Variants in ARHGAP9 observed in about 807,000 individuals in gnomAD.
ARHGAP9 encodes Rho GTPase activating protein 9.
A neutral mutation model predicts 87.3 loss-of-function variants in ARHGAP9; 76 were observed. That is an observed-to-expected ratio of 0.87 (90% CI 0.72 to 1.05). ARHGAP9 has a LOEUF of 1.05. ARHGAP9 is among the 50% of genes least tolerant of loss of function. The pLI, the probability that ARHGAP9 is intolerant of heterozygous loss-of-function variation, is 0.00. For missense variants in ARHGAP9, 941 were observed against 960.5 expected (o/e 0.98, Z 0.27); for synonymous variants, 382 against 394.9 (o/e 0.97, Z 0.39).
chr12:57,488,168 A>G (rs1251933954), intron 1 of ARHGAP9: 9 of 1,614,034 alleles, frequency 5.6e-6, no homozygotes, highest in Non-Finnish European at 7.6e-6. Flanking sequence ...GGGGCAGAGC[A>G]GAGGTGCTCA....
chr12:57,475,366 C>A lies in ARHGAP9; in HGVS notation c.1477G>T (p.Val493Leu), dbSNP rs760786193. ...ATGAGCCGCTTTAGTTTGTTGCGCA[C>A]GCGGTTCTGCTCGGTGCCTTCGGGC... ...RGPEGTEQNR[V>L]RNKLKRLIAK... is the part of the protein sequence containing the mutation. The change falls in exon 12 of 18, where the codon GTG (valine) becomes TTG (leucine). Residue 493 changes from valine (V) to leucine (L), a missense_variant. By Grantham distance (32) the Val-to-Leu change is conservative (BLOSUM62 1). Transcript: ENST00000393791. 13 of 1,601,282 alleles carry A rather than the reference C, an allele frequency of 8.1e-6. No homozygotes were observed. Among genetic ancestry groups the A allele is most frequent in the Non-Finnish European group, 1.0e-5 (12 of 1,173,882 alleles).
Position 57,477,639 on chromosome 12 carries a change from A to G in ARHGAP9, c.576T>C (p.Cys192=), listed in dbSNP as rs1565625006. Reference sequence around the variant, plus strand: ...GACAGCGGCGAAGGTCCACCAGGTTACAGTACACAGGGGGCTCTGACATGA... The same window carrying G: ...GACAGCGGCGAAGGTCCACCAGGTTGCAGTACACAGGGGGCTCTGACATGA... ...QPLMSEPPVY[C]NLVDLRRCPR... Residue 192 remains cysteine, a synonymous_variant, in exon 4 of 18, where the codon TGT becomes TGC. Transcript: ENST00000393791. 1 of 1,613,306 alleles carries G rather than the reference A, an allele frequency of 6.2e-7. No individual in the cohort carries two copies. Among genetic ancestry groups the G allele is most frequent in the Non-Finnish European group, 8.5e-7 (1 of 1,179,722 alleles).
rs974987773 is a variant in ARHGAP9, at chr12:57,477,279, G to A, written c.757-10C>T. On this transcript the variant is annotated splice_polypyrimidine_tract_variant and intron_variant, in intron 4 of 17. Transcript: ENST00000393791. Reference sequence around the variant, plus strand: ...CCATGGAGCCAGGGTTCTGGGTTAGGGGAGGAGGAAATAAAGCTACATCCA... The same window carrying A: ...CCATGGAGCCAGGGTTCTGGGTTAGAGGAGGAGGAAATAAAGCTACATCCA... The A allele has an allele frequency of 9.7e-6, 15 of 1,550,550 alleles. No individual in the cohort carries two copies. Among genetic ancestry groups the A allele is most frequent in the African/African-American group, 1.4e-5 (1 of 72,676 alleles).
intron 1 of ARHGAP9, among the ~76,000 whole-genome samples, chr12:57,486,661 G>A (rs1403004925): frequency 9.4e-5 from 14 of 148,674 alleles, no homozygotes; most frequent in Admixed American, 6.6e-4. Context: ...TGAGGCGGGC[G>A]GATCACGAGG....
chr12:57,475,710 C>T (rs1873363676), intron 10 of ARHGAP9, 95 bp from the exon 11 acceptor site: 3 of 1,549,632 alleles, frequency 1.9e-6, no homozygotes, highest in Non-Finnish European at 2.6e-6. Flanking sequence ...CACATCCCGG[C>T]CCAGGCAAGG....
At chr12:57,475,642 G>T in intron 10 of ARHGAP9, 27 bp from the exon 11 acceptor site, 1 of 1,600,380 alleles carries the variant, frequency 6.2e-7, no homozygotes, top group Non-Finnish European at 8.5e-7. Context: ...CCGTGTCGAA[G>T]GTGAGAGAGG....
chr12:57,475,811 T>C, intron 10 of ARHGAP9, 22 bp downstream of exon 10: 3 of 1,612,044 alleles, frequency 1.9e-6, no homozygotes, highest in Non-Finnish European at 1.7e-6. Context: ...GGAGCCTCCC[T>C]CCGGGCCTCC....
In ARHGAP9 at chr12:57,474,196, T is replaced by C; in HGVS notation, c.1784-20A>G. The C allele has an allele frequency of 1.9e-6, 3 of 1,604,498 alleles. No individual in the cohort carries two copies. Among genetic ancestry groups the C allele is most frequent in the Non-Finnish European group, 1.7e-6 (2 of 1,174,290 alleles). ...GACCTTCTGGAGGGAGAAGGAGGTA[T>C]AGGGGCTCATGAAGGGCCAGAAAGA... On this transcript the variant is annotated intron_variant, in intron 15 of 17. Coordinates refer to ENST00000393791, the MANE Select transcript of ARHGAP9 (RefSeq NM_032496.4).
At chr12:57,488,262 C>A (rs1172076941) in intron 1 of ARHGAP9, 2 of 1,487,370 alleles carry the variant, frequency 1.3e-6, no homozygotes, top group Non-Finnish European at 1.9e-6. Context: ...GCCAGATTCT[C>A]TGCAGCTGTC....
upstream of ARHGAP9, among the ~76,000 whole-genome samples, chr12:57,483,080 C>T (rs1180958300): frequency 2.0e-5 from 3 of 147,890 alleles, no homozygotes; most frequent in South Asian, 2.1e-4. Flanking sequence ...GCCTGGGTGA[C>T]GGAGCGAGAC....
In ARHGAP9 at chr12:57,476,311, G is replaced by T; in HGVS notation, c.1116+53C>A. The T allele has an allele frequency of 5.7e-6, 9 of 1,591,040 alleles. No individual in the cohort carries two copies. The South Asian group carries it at 8.9e-5, about 16-fold the overall frequency. ...TCCCCGCTGCCGCCCCCACATTGGC[G>T]TGAGGCGGTAGGCAGCGCCCGCACC... On this transcript the variant is annotated intron_variant, in intron 8 of 17. Coordinates refer to ENST00000393791, the MANE Select transcript of ARHGAP9 (RefSeq NM_032496.4).
At chr12:57,479,577 C>T (rs531229189) in intron 1 of ARHGAP9, 153 bp from the exon 2 acceptor site, 23 of 1,517,566 alleles carry the variant, frequency 1.5e-5, no homozygotes, top group East Asian at 1.2e-4. Context: ...TGGTGAGGAT[C>T]GGTGACAGGT....
upstream of ARHGAP9, among the ~76,000 whole-genome samples, chr12:57,484,732 C>T (rs1172892953): frequency 6.6e-6 from 1 of 152,154 alleles, no homozygotes; most frequent in East Asian, 1.9e-4. Context: ...GCAACCTCTG[C>T]CTCCCAAGTT....
Position 57,472,619 on chromosome 12 carries a change from C to G in ARHGAP9, c.2094G>C (p.Leu698=), listed in dbSNP as rs759286061. The change falls in exon 18 of 18, where the codon CTG becomes CTC. Residue 698 remains leucine, a synonymous_variant. Coordinates refer to ENST00000393791, the MANE Select transcript of ARHGAP9 (RefSeq NM_032496.4). ...HNLGIVFGPT[L]FRPEQETSDP... ...CAGATGTCTCCTGCTCTGGCCGAAACAGGGTTGGTCCAAACACAATTCCCA... is the reference window on the plus strand; with the variant it reads ...CAGATGTCTCCTGCTCTGGCCGAAAGAGGGTTGGTCCAAACACAATTCCCA... 10 of 1,614,128 alleles carry G rather than the reference C, an allele frequency of 6.2e-6. No homozygotes were observed. In the African/African-American group the frequency reaches 1.1e-4, roughly 17 times the overall value.
chr12:57,483,628 G>C (rs184709033), upstream of ARHGAP9, among the ~76,000 whole-genome samples: 1 of 152,152 alleles, frequency 6.6e-6, no homozygotes, highest in African/African-American at 2.4e-5. Context: ...TGAAATCTTA[G>C]ATTCTTTGCA....
At chr12:57,473,414 A>G (rs187712262) in intron 17 of ARHGAP9, among the ~76,000 whole-genome samples, 189 bp downstream of exon 17, 4 of 150,388 alleles carry the variant, frequency 2.7e-5, no homozygotes, top group Non-Finnish European at 5.9e-5. Context: ...CTCTGTCTCA[A>G]AAATAAATAA....
rs773301833 is a variant in ARHGAP9, at chr12:57,474,081, C to G, written c.1879G>C (p.Val627Leu). The G allele has an allele frequency of 4.3e-6, 7 of 1,614,128 alleles. No individual in the cohort carries two copies. Among genetic ancestry groups the G allele is most frequent in the East Asian group, 2.2e-5 (1 of 44,886 alleles). Residue 627 changes from valine (V) to leucine (L), a missense_variant, in exon 16 of 18, where the codon GTG (valine) becomes CTG (leucine). Coordinates refer to ENST00000393791, the MANE Select transcript of ARHGAP9 (RefSeq NM_032496.4). Reference protein sequence around the residue: ...LFLRELPQPLVPPLLLPHFRA... With the variant: ...LFLRELPQPLLPPLLLPHFRA... ...AAATGGGGCAGCAGCAGTGGTGGCA[C>G]CAGAGGCTGGGGCAGCTCCCGGAGA...
chr12:57,473,517 A>G, intron 17 of ARHGAP9, 86 bp downstream of exon 17: 1 of 1,269,898 alleles, frequency 7.9e-7, no homozygotes, highest in Non-Finnish European at 1.1e-6. Flanking sequence ...GTGCTTCCCT[A>G]CCTTCACTCC....
exon 1 of ARHGAP9, chr12:57,488,791 C>T (rs1875678735): frequency 3.4e-6 from 3 of 884,204 alleles, no homozygotes; most frequent in Non-Finnish European, 5.3e-6. Flanking sequence ...ACCTCCTCTG[C>T]AGTCCCCATC....
Sources: allele counts gnomAD v4.1 joint callset (sites outside exome capture counted in the v4.1 genomes callset), GRCh38; gene constraint gnomAD v4.1.1; transcripts MANE v1.5; gene names NCBI Gene and HGNC (gene_info 2026-07-23, HGNC 2026-07-21).